Variants in RRP12 observed in about 807,000 individuals in gnomAD.
RRP12 encodes the protein RRP12-like protein.
In RRP12, 78 loss-of-function variants were observed where a neutral mutation model predicts 157.3. That is an observed-to-expected ratio of 0.50 (90% CI 0.41 to 0.60). The LOEUF (loss-of-function observed/expected upper bound fraction) is 0.60, where lower values mean the gene tolerates loss of function less well. Ranked by LOEUF, RRP12 falls within the 20% of genes least tolerant of loss-of-function variation. RRP12 has a pLI of 0.00. For synonymous variants in RRP12, 726 were observed against 670.9 expected (o/e 1.08, Z -1.27); for missense variants, 1,521 against 1,679.9 (o/e 0.91, Z 1.65).
intron 15 of RRP12, among the ~76,000 whole-genome samples, chr10:97,374,869 C>A (rs1716713877): frequency 6.6e-6 from 1 of 151,696 alleles, no homozygotes; most frequent in South Asian, 2.1e-4. Flanking sequence ...ATTTACTGAG[C>A]AAGTACTATG....
intron 10 of RRP12, among the ~76,000 whole-genome samples, chr10:97,384,534 A>G (rs540041326): frequency 6.7e-6 from 1 of 148,744 alleles, no homozygotes; most frequent in South Asian, 2.2e-4. Context: ...CTCAGCAGCC[A>G]GGATGAAGGC....
intron 10 of RRP12, among the ~76,000 whole-genome samples, chr10:97,382,222 G>A (rs972641978): frequency 1.3e-5 from 2 of 151,774 alleles, no homozygotes; most frequent in South Asian, 2.1e-4. Flanking sequence ...CATAGCTCAC[G>A]GAGTCTCAAA....
chr10:97,390,286 G>A (rs939246126), intron 6 of RRP12, 137 bp downstream of exon 6: 38 of 701,308 alleles, frequency 5.4e-5, no homozygotes, highest in South Asian at 5.4e-4. Context: ...TAAATGCATG[G>A]TGCCTCAGAA....
chr10:97,388,949 T>C (rs1306200367), intron 6 of RRP12, among the ~76,000 whole-genome samples: 1 of 152,226 alleles, frequency 6.6e-6, no homozygotes, highest in Non-Finnish European at 1.5e-5. Flanking sequence ...AAACACTGTG[T>C]GTCCACCAAG....
At chr10:97,366,032 C>A in intron 29 of RRP12, 76 bp downstream of exon 29, 1 of 1,589,102 alleles carries the variant, frequency 6.3e-7, no homozygotes, top group Non-Finnish European at 8.5e-7. Flanking sequence ...CTGTTTTTAG[C>A]CACGCTTCCT....
chr10:97,399,450 G>T (rs1333866652), intron 2 of RRP12, among the ~76,000 whole-genome samples: 1 of 151,622 alleles, frequency 6.6e-6, no homozygotes, highest in African/African-American at 2.4e-5. Context: ...TCAAGTTGGG[G>T]GATCTACCAT....
chr10:97,384,731 C>A (rs1844571517), intron 10 of RRP12, among the ~76,000 whole-genome samples: 1 of 151,310 alleles, frequency 6.6e-6, no homozygotes, highest in Non-Finnish European at 1.5e-5. Flanking sequence ...GGACGGAGAC[C>A]CTGAGGACCC....
At chr10:97,362,891 C>T (rs537834386) in intron 30 of RRP12, among the ~76,000 whole-genome samples, 37 of 152,298 alleles carry the variant, frequency 2.4e-4, no homozygotes, top group African/African-American at 6.3e-4. Flanking sequence ...ACAAACATGA[C>T]GCCAATGAAA....
intron 21 of RRP12, 22 bp downstream of exon 21, chr10:97,370,900 GC>G (rs771630695): frequency 9.3e-6 from 15 of 1,613,304 alleles, no homozygotes. Context: ...CCTCGGCAGA[GC>G]GGGTGGCCCT....
At position 97,390,855 on chromosome 10, in the gene RRP12, G is replaced by T. The variant is rs755852289; in HGVS notation, c.531-11C>A. On this transcript the variant is annotated splice_polypyrimidine_tract_variant and intron_variant, in intron 4 of 33. Coordinates refer to ENST00000370992, the MANE Select transcript of RRP12 (RefSeq NM_015179.4). ...ACAGGGCTGGGAACACTGTGGGAAAGAACAGAGATGGTCACCCCAGAGGGT... is the reference window on the plus strand; with the variant it reads ...ACAGGGCTGGGAACACTGTGGGAAATAACAGAGATGGTCACCCCAGAGGGT... The T allele has an allele frequency of 1.3e-6, 2 of 1,557,458 alleles. No individual in the cohort carries two copies. The highest frequency in any genetic ancestry group is 2.2e-5 in the East Asian group (1 of 44,612).
At chr10:97,376,465 A>G (rs1444389070) in intron 15 of RRP12, among the ~76,000 whole-genome samples, 1 of 151,986 alleles carries the variant, frequency 6.6e-6, no homozygotes, top group Non-Finnish European at 1.5e-5. Context: ...TGCCCGCTTC[A>G]GCCTCCCAAA....
intron 4 of RRP12, chr10:97,393,237 G>T: frequency 4.4e-6 from 2 of 453,136 alleles, no homozygotes; most frequent in South Asian, 3.1e-5. Flanking sequence ...CTTTCACAAT[G>T]ATTTTCTGCT....
In RRP12 at chr10:97,369,458, G is replaced by A. The variant is rs773757678; in HGVS notation, c.2922C>T (p.Asp974=). The A allele has an allele frequency of 9.3e-6, 15 of 1,612,326 alleles. No individual in the cohort carries two copies. Among genetic ancestry groups the A allele is most frequent in the South Asian group, 3.3e-5 (3 of 90,568 alleles). The change falls in exon 25 of 34, where the codon GAC becomes GAT. Residue 974 remains aspartate, a synonymous_variant. Transcript: ENST00000370992. The stretch of plus-strand genomic sequence containing the variant: ...GCACATGTTTGGCCAGGTGCGCCAC[G>A]TCCATGACAGTCACTGCCACCTTGA... ...GFIKVAVTVM[D]VAHLAKHVQL... is the part of the protein sequence containing the mutation.
In RRP12 at chr10:97,366,283, C is replaced by A. The variant is rs1438942873; in HGVS notation, c.3392-50G>T. 1.9e-6 allele frequency: 3 copies of A among 1,601,724 alleles called. No individual in the cohort carries two copies. The East Asian group carries it at 6.7e-5, about 36-fold the overall frequency. On this transcript the variant is annotated intron_variant, in intron 28 of 33. Coordinates refer to ENST00000370992, the MANE Select transcript of RRP12 (RefSeq NM_015179.4). ...GAGGTGGAAGGCCAGTCCCATGCTA[C>A]TCACCCTCATCATGACCAACAAGCC...
rs201728831 is a variant in RRP12, at chr10:97,390,850, G to A, written c.531-6C>T. The A allele has an allele frequency of 2.4e-5, 38 of 1,576,770 alleles. No homozygotes were observed. The East Asian group carries it at 2.5e-4, about 10-fold the overall frequency. On this transcript the variant is annotated splice_region_variant and splice_polypyrimidine_tract_variant and intron_variant, in intron 4 of 33. Coordinates refer to ENST00000370992, the MANE Select transcript of RRP12 (RefSeq NM_015179.4). ...TAAGCACAGGGCTGGGAACACTGTG[G>A]GAAAGAACAGAGATGGTCACCCCAG...
intron 11 of RRP12, 40 bp downstream of exon 11, chr10:97,381,675 C>G (rs376355792): frequency 2.0e-6 from 3 of 1,536,964 alleles, no homozygotes; most frequent in Non-Finnish European, 2.7e-6. Flanking sequence ...GCCCATAGAA[C>G]CCCCTGTGCT....
chr10:97,392,915 T>G (rs1052175144), intron 4 of RRP12, among the ~76,000 whole-genome samples: 1 of 152,096 alleles, frequency 6.6e-6, no homozygotes. Flanking sequence ...GGTCTCGAAC[T>G]CCTGACCTCA....
At chr10:97,376,904 G>A (rs1233377741) in intron 15 of RRP12, among the ~76,000 whole-genome samples, 3 of 147,322 alleles carry the variant, frequency 2.0e-5, no homozygotes, top group Non-Finnish European at 3.0e-5. Flanking sequence ...TTTTGAGACA[G>A]AGTCTCGCTG....
intron 7 of RRP12, 45 bp downstream of exon 7, chr10:97,388,444 C>T (rs776676964): frequency 6.2e-7 from 1 of 1,612,676 alleles, no homozygotes; most frequent in Non-Finnish European, 8.5e-7. Context: ...CCTGCTCTGC[C>T]AGCCACTGCC....
Sources: gnomAD v4.1 joint callset for allele counts (sites outside exome capture counted in the v4.1 genomes callset) on GRCh38, gnomAD v4.1.1 for gene constraint, MANE v1.5 for transcripts, NCBI Gene and HGNC (gene_info 2026-07-23, HGNC 2026-07-21) for gene names.